Variants in PHF14 observed in about 807,000 individuals in gnomAD.
PHF14 encodes PHD finger protein 14.
PHF14 carries 55 observed loss-of-function variants against 117.9 expected under a neutral mutation model. The observed-to-expected ratio is 0.47, with a 90% CI of 0.38 to 0.58. The LOEUF (loss-of-function observed/expected upper bound fraction) is 0.58, where lower values mean the gene tolerates loss of function less well. Among genes scored for constraint, PHF14 ranks in the 20% least tolerant of loss-of-function variants. The probability of loss-of-function intolerance (pLI) is 0.00; values close to 1 mark genes in which losing one functional copy is unlikely to be tolerated. For missense variants in PHF14, 978 were observed against 1,122.2 expected (o/e 0.87, Z 1.84); for synonymous variants, 409 against 368.6 (o/e 1.11, Z -1.26).
chr7:11,004,888 T>C (rs1783025081), intron 4 of PHF14, among the ~76,000 whole-genome samples: 1 of 151,776 alleles, frequency 6.6e-6, no homozygotes, highest in Non-Finnish European at 1.5e-5. Context: ...ATACAAAAAT[T>C]AGCCTGTAAT....
chr7:11,024,304 T>C (rs947415776), intron 6 of PHF14, among the ~76,000 whole-genome samples: 10 of 152,254 alleles, frequency 6.6e-5, no homozygotes, highest in East Asian at 3.9e-4. Context: ...CTCCGTAATA[T>C]AAAAGATGAA....
chr7:10,977,862 T>C (rs1217102979), intron 2 of PHF14, among the ~76,000 whole-genome samples: 2 of 152,222 alleles, frequency 1.3e-5, no homozygotes, highest in African/African-American at 4.8e-5. Context: ...AAAGTGTTGA[T>C]ATTTGAGACT....
chr7:11,020,613 A>C (rs1783702147), intron 5 of PHF14, among the ~76,000 whole-genome samples: 1 of 152,072 alleles, frequency 6.6e-6, no homozygotes, highest in African/African-American at 2.4e-5. Flanking sequence ...TCCTGAGCTT[A>C]AGTGATCCTC....
intron 2 of PHF14, among the ~76,000 whole-genome samples, chr7:10,978,632 T>C (rs1429571023): frequency 1.3e-5 from 2 of 152,178 alleles, no homozygotes; most frequent in Non-Finnish European, 1.5e-5. Flanking sequence ...GCATTTTGTG[T>C]TGGATAATTT....
intron 12 of PHF14, among the ~76,000 whole-genome samples, chr7:11,041,306 C>T (rs1256452457): frequency 1.3e-5 from 2 of 151,824 alleles, no homozygotes; most frequent in Non-Finnish European, 2.9e-5. Flanking sequence ...TTTCGGTGTT[C>T]ACCATTATAG....
chr7:11,092,383 C>G (rs1481154651), intron 16 of PHF14, among the ~76,000 whole-genome samples: 1 of 152,192 alleles, frequency 6.6e-6, no homozygotes, highest in African/African-American at 2.4e-5. Context: ...CCAAGTGATA[C>G]AGATATTACT....
chr7:11,036,286 C>A, intron 8 of PHF14, 132 bp from the exon 9 acceptor site: 2 of 714,026 alleles, frequency 2.8e-6, no homozygotes, highest in Non-Finnish European at 4.7e-6. Context: ...ATCATTCATA[C>A]CTATAATTTG....
rs915903730 is a variant in PHF14 at position 11,103,889 on chromosome 7, T to C, written c.2655-7461T>C. 4.1e-6 allele frequency: 4 copies of C among 981,012 alleles called. No homozygotes were observed. The Admixed American group carries it at 2.5e-4, about 61-fold the overall frequency. 60.8% of individuals were successfully genotyped at this position (981,012 alleles called of 1,614,324 possible). On this transcript the variant is annotated intron_variant, in intron 16 of 17. Transcript: ENST00000634607. ...ATCTCATAACATTGGAGGAAAAATA[T>C]TCATAATCTTTAGCAAAACTAGTAG...
At chr7:11,011,182 T>C (rs1783343668) in intron 4 of PHF14, among the ~76,000 whole-genome samples, 1 of 152,232 alleles carries the variant, frequency 6.6e-6, no homozygotes, top group African/African-American at 2.4e-5. Context: ...AGTTAATTAA[T>C]GTTGGTAATT....
At chr7:11,023,190 G>C (rs1168567174) in intron 6 of PHF14, among the ~76,000 whole-genome samples, 1 of 152,044 alleles carries the variant, frequency 6.6e-6, no homozygotes, top group Non-Finnish European at 1.5e-5. Flanking sequence ...TAACGTATGA[G>C]GTAAAATGAT....
intron 17 of PHF14, among the ~76,000 whole-genome samples, chr7:11,162,072 C>CTTTTTT (rs564998009): frequency 1.2e-3 from 82 of 70,294 alleles, no homozygotes; most frequent in Non-Finnish European, 1.8e-3. Flanking sequence ...AAAAATATGT[C>CTTTTTT]TTTTTTTTTT....
intron 5 of PHF14, chr7:11,015,135 A>G (rs1406334908): frequency 6.6e-6 from 1 of 152,136 alleles, no homozygotes; most frequent in Non-Finnish European, 1.5e-5. Flanking sequence ...CATTTCCCAT[A>G]TTTTAACATA....
intron 17 of PHF14, among the ~76,000 whole-genome samples, chr7:11,150,839 A>G (rs1018862542): frequency 2.6e-5 from 4 of 152,198 alleles, no homozygotes; most frequent in East Asian, 1.9e-4. Flanking sequence ...CAAAGTCTCA[A>G]ATGTCTACTG....
chr7:11,039,887 T>C (rs1031817589), intron 11 of PHF14, among the ~76,000 whole-genome samples: 1 of 152,298 alleles, frequency 6.6e-6, no homozygotes, highest in Non-Finnish European at 1.5e-5. Context: ...TGTTTTATAC[T>C]TAATATTTAG....
rs3801455 is a variant in PHF14 at position 11,103,595 on chromosome 7, A to G, written c.2655-7755A>G. The G allele has an allele frequency of 2.2e-4, 221 of 984,224 alleles. 2 individuals are homozygous for G. The Admixed American group carries it at 0.01, about 46-fold the overall frequency. The allele number at this position is 984,224 out of a possible 1,614,324, so 61.0% of individuals were successfully genotyped here. On this transcript the variant is annotated intron_variant, in intron 16 of 17. Transcript: ENST00000634607. ...TGCTGAAATTGAATTGCACTTATAC[A>G]TGTAAATTGTCAACATGTAATTTGG...
chr7:11,035,758 G>A lies in PHF14; in HGVS notation c.1574G>A (p.Arg525Lys). 1 of 1,608,128 alleles carries A rather than the reference G, an allele frequency of 6.2e-7. No homozygotes were observed. The highest frequency in any genetic ancestry group is 8.5e-7 in the Non-Finnish European group (1 of 1,176,834). The change falls in exon 8 of 18, where the codon AGA (arginine) becomes AAA (lysine). Residue 525 changes from arginine to lysine, a missense_variant. Around this residue, in one of 7 missense-constraint regions of PHF14, gnomAD observed 237 missense variants for 276.4 expected, o/e 0.86. Coordinates refer to ENST00000634607, the MANE Select transcript of PHF14 (RefSeq NM_001007157.2). ...QSYCKMSLQE[R>K]EKQLSPEAQA... is the part of the protein sequence containing the mutation. ...TATTGTAAAATGTCTTTGCAAGAGA[G>A]AGAGAAGCAACTATCACCAGAAGCA...
At chr7:11,048,518 C>T (rs535268055) in intron 13 of PHF14, among the ~76,000 whole-genome samples, 8 of 152,078 alleles carry the variant, frequency 5.3e-5, no homozygotes, top group African/African-American at 1.9e-4. Flanking sequence ...TTACAGTGAG[C>T]CTTAGATCAT....
intron 13 of PHF14, among the ~76,000 whole-genome samples, chr7:11,047,990 T>C (rs1784732814): frequency 6.6e-6 from 1 of 151,730 alleles, no homozygotes; most frequent in African/African-American, 2.4e-5. Flanking sequence ...AACCTCTTGG[T>C]ATTTCAACAT....
intron 16 of PHF14, among the ~76,000 whole-genome samples, chr7:11,074,742 TC>T (rs1250699532): frequency 6.6e-6 from 1 of 152,112 alleles, no homozygotes; most frequent in Non-Finnish European, 1.5e-5. Flanking sequence ...CCCAATAAGT[TC>T]TTCATTTCCA....
Sources: gnomAD v4.1 joint callset for allele counts (sites outside exome capture counted in the v4.1 genomes callset) on GRCh38, gnomAD v4.1.1 for gene constraint, gnomAD v4.1.1 regional missense constraint, MANE v1.5 for transcripts, NCBI Gene and HGNC (gene_info 2026-07-23, HGNC 2026-07-21) for gene names.